SEMA5A: variants seen among roughly 807,000 people sequenced by gnomAD.
The protein encoded by SEMA5A is semaphorin 5A, also known as semaphorin-5A.
A neutral mutation model predicts 135.5 loss-of-function variants in SEMA5A; 55 were observed. The observed-to-expected ratio is 0.41, with a 90% CI of 0.33 to 0.51. The LOEUF (loss-of-function observed/expected upper bound fraction) is 0.51, where lower values mean the gene tolerates loss of function less well. SEMA5A is among the 20% of genes least tolerant of loss of function. The pLI is 0.37. For missense variants in SEMA5A, 1,290 were observed against 1,419.9 expected (o/e 0.91, Z 1.47); for synonymous variants, 580 against 546.5 (o/e 1.06, Z -0.85).
chr5:9,441,671 A>G (rs1758240415), intron 1 of SEMA5A, among the ~76,000 whole-genome samples: 1 of 152,218 alleles, frequency 6.6e-6, no homozygotes, highest in African/African-American at 2.4e-5. Context: ...GGAAGTAAAC[A>G]GGAGGGTGGA....
chr5:9,084,292 GA>G (rs1016258182), intron 16 of SEMA5A, among the ~76,000 whole-genome samples: 1 of 152,152 alleles, frequency 6.6e-6, no homozygotes, highest in African/African-American at 2.4e-5. Context: ...CCCCAACTGA[GA>G]GACAAGGTTA....
chr5:9,105,975 C>T (rs532647010), intron 16 of SEMA5A, among the ~76,000 whole-genome samples: 1 of 152,308 alleles, frequency 6.6e-6, no homozygotes, highest in African/African-American at 2.4e-5. Flanking sequence ...CGAGCCCTTC[C>T]TTTCTACTGT....
intron 2 of SEMA5A, among the ~76,000 whole-genome samples, chr5:9,423,422 A>G (rs1757538534): frequency 1.3e-5 from 2 of 152,246 alleles, no homozygotes; most frequent in South Asian, 4.1e-4. Context: ...AACTATGCGC[A>G]GCCTTTTCAC....
rs555540527 is a variant in SEMA5A at position 9,068,467 on chromosome 5, TC to T, written c.2074-1822del. ...GAGGAAGAGGGCAGAACTCTCAGTG[TC>T]CAGTAGACACCCACTTATCTCACTC... On this transcript the variant is annotated intron_variant, in intron 16 of 22. Coordinates refer to ENST00000382496, the MANE Select transcript of SEMA5A (RefSeq NM_003966.3). Among the ~76,000 whole-genome samples the T allele has an allele frequency of 2.6e-3, 403 of 152,276 alleles. 2 individuals carry two copies. Among genetic ancestry groups the T allele is most frequent in the African/African-American group, 9.2e-3 (381 of 41,556 alleles).
intron 5 of SEMA5A, among the ~76,000 whole-genome samples, chr5:9,272,593 G>A (rs528822382): frequency 1.3e-5 from 2 of 152,302 alleles, no homozygotes; most frequent in East Asian, 3.9e-4. Flanking sequence ...GGGGCCGACA[G>A]ACACCTCATA....
At chr5:9,521,149 C>A (rs1381350076) in intron 1 of SEMA5A, among the ~76,000 whole-genome samples, 1 of 152,248 alleles carries the variant, frequency 6.6e-6, no homozygotes, top group Non-Finnish European at 1.5e-5. Context: ...GTGGCTCACA[C>A]CTGTAATCCC....
At chr5:9,441,862 C>G (rs1433538388) in intron 1 of SEMA5A, among the ~76,000 whole-genome samples, 4 of 152,080 alleles carry the variant, frequency 2.6e-5, no homozygotes, top group Non-Finnish European at 5.9e-5. Context: ...AGATGACACA[C>G]AGATTGTAGG....
chr5:9,527,333 C>T (rs970412059), intron 1 of SEMA5A, among the ~76,000 whole-genome samples: 1 of 152,188 alleles, frequency 6.6e-6, no homozygotes, highest in African/African-American at 2.4e-5. Context: ...CTGGAGGAGG[C>T]TCCAGAGGAT....
At chr5:9,521,939 C>T (rs1736856631) in intron 1 of SEMA5A, among the ~76,000 whole-genome samples, 1 of 152,152 alleles carries the variant, frequency 6.6e-6, no homozygotes, top group Non-Finnish European at 1.5e-5. Flanking sequence ...CCTCAGGATC[C>T]TCCCTCCCTC....
intron 5 of SEMA5A, among the ~76,000 whole-genome samples, chr5:9,311,301 G>C (rs1752120319): frequency 2.0e-5 from 3 of 151,948 alleles, no homozygotes; most frequent in Admixed American, 2.0e-4. Context: ...GTCGGAAGTT[G>C]AGAACTTCTA....
chr5:9,529,930 T>A (rs1737348644), intron 1 of SEMA5A, among the ~76,000 whole-genome samples: 1 of 152,156 alleles, frequency 6.6e-6, no homozygotes, highest in African/African-American at 2.4e-5. Flanking sequence ...CTAGGCATAG[T>A]TCCCTGAAAC....
At chr5:9,386,293 T>C (rs1324002169) in intron 2 of SEMA5A, among the ~76,000 whole-genome samples, 1 of 152,104 alleles carries the variant, frequency 6.6e-6, no homozygotes, top group Non-Finnish European at 1.5e-5. Flanking sequence ...GAGCCAAAGA[T>C]GGGGTCCAGT....
intron 2 of SEMA5A, among the ~76,000 whole-genome samples, chr5:9,406,291 C>T (rs12153624): frequency 0.061 from 9,248 of 152,244 alleles, 353 homozygotes; most frequent in Non-Finnish European, 0.083. Flanking sequence ...ATAACACAGG[C>T]TTCTAAAAGG....
chr5:9,315,571 T>G (rs1192227097), intron 5 of SEMA5A, among the ~76,000 whole-genome samples: 1 of 152,150 alleles, frequency 6.6e-6, no homozygotes, highest in Non-Finnish European at 1.5e-5. Context: ...GAAGAGCTCT[T>G]TATTATTTCT....
intron 13 of SEMA5A, among the ~76,000 whole-genome samples, chr5:9,123,460 GA>G (rs1740940876): frequency 1.3e-5 from 2 of 151,216 alleles, no homozygotes; most frequent in South Asian, 4.2e-4. Context: ...AAAGGAAGGA[GA>G]AGAAAAAGGA....
rs542483877 is a variant in SEMA5A at position 9,247,374 on chromosome 5, G to A, written c.271-9484C>T. 2.6e-5 allele frequency among the ~76,000 whole-genome samples: 4 copies of A among 152,162 alleles called. No homozygotes were observed. The South Asian group carries it at 8.3e-4, about 32-fold the overall frequency. On this transcript the variant is annotated intron_variant, in intron 5 of 22. Transcript: ENST00000382496. ...ATAGCCAATATTGATGTAAATATATGGATGTTTGCTTTCAGTTTCTCCATA... is the reference window on the plus strand; with the variant it reads ...ATAGCCAATATTGATGTAAATATATAGATGTTTGCTTTCAGTTTCTCCATA...
intron 1 of SEMA5A, among the ~76,000 whole-genome samples, chr5:9,461,977 C>T (rs544060057): frequency 2.0e-5 from 3 of 152,250 alleles, no homozygotes; most frequent in Admixed American, 2.0e-4. Context: ...GAAACTGTGG[C>T]AACATAAAAG....
chr5:9,349,841 G>C (rs1468803728), intron 3 of SEMA5A, among the ~76,000 whole-genome samples: 2 of 152,088 alleles, frequency 1.3e-5, no homozygotes, highest in African/African-American at 4.8e-5. Context: ...GGCAGAGGTT[G>C]CAGTGTGCCG....
At chr5:9,345,525 TAAAA>T (rs60077732) in intron 3 of SEMA5A, among the ~76,000 whole-genome samples, 1 of 144,690 alleles carries the variant, frequency 6.9e-6, no homozygotes, top group African/African-American at 2.5e-5. Flanking sequence ...TTCCAGGATG[TAAAA>T]AAAAAAAAAA....
Sources: allele counts gnomAD v4.1 joint callset (sites outside exome capture counted in the v4.1 genomes callset), GRCh38; gene constraint gnomAD v4.1.1; transcripts MANE v1.5; gene names NCBI Gene and HGNC (gene_info 2026-07-23, HGNC 2026-07-21).